Variants in SYNPR observed in about 807,000 individuals in gnomAD.
SYNPR encodes the protein synaptoporin.
SYNPR carries 23 observed loss-of-function variants against 32.9 expected under a neutral mutation model. That is an observed-to-expected ratio of 0.70 (90% CI 0.50 to 0.99). SYNPR has a LOEUF of 0.99. Ranked by LOEUF, SYNPR falls within the 50% of genes least tolerant of loss-of-function variation. The pLI, the probability that SYNPR is intolerant of heterozygous loss-of-function variation, is 0.00. For missense variants in SYNPR, 318 were observed against 349.3 expected (o/e 0.91, Z 0.71); for synonymous variants, 146 against 135.9 (o/e 1.07, Z -0.52).
chr3:63,562,789 CTT>C (rs1046894066), intron 4 of SYNPR, among the ~76,000 whole-genome samples: 2 of 152,206 alleles, frequency 1.3e-5, no homozygotes, highest in African/African-American at 4.8e-5. Flanking sequence ...GACACAAACT[CTT>C]AGTCCAGTGA....
At chr3:63,271,320 AGTCC>A (rs1266754862) in intron 3 of SYNPR, among the ~76,000 whole-genome samples, 1 of 152,154 alleles carries the variant, frequency 6.6e-6, no homozygotes, top group Non-Finnish European at 1.5e-5. Flanking sequence ...GTGCCAAAGG[AGTCC>A]ATTTTCTAAT....
intron 3 of SYNPR, among the ~76,000 whole-genome samples, chr3:63,493,069 A>T (rs528112106): frequency 1.3e-5 from 2 of 152,168 alleles, no homozygotes; most frequent in East Asian, 1.9e-4. Flanking sequence ...GAAAGAAAGA[A>T]ATGTTAGGAC....
chr3:63,481,551 G>C (rs6445349), intron 3 of SYNPR, among the ~76,000 whole-genome samples: 26,395 of 151,786 alleles, frequency 0.17, 2,453 homozygotes, highest in African/African-American at 0.21. Flanking sequence ...TAGAGACGTA[G>C]CATTGATACC....
chr3:63,457,265 A>C (rs988433689), intron 2 of SYNPR, among the ~76,000 whole-genome samples: 4 of 152,110 alleles, frequency 2.6e-5, no homozygotes, highest in African/African-American at 9.7e-5. Context: ...TACCCCTCCC[A>C]CAAGGACAGT....
chr3:63,407,107 A>G (rs1206484653), intron 2 of SYNPR, among the ~76,000 whole-genome samples: 1 of 152,204 alleles, frequency 6.6e-6, no homozygotes, highest in Non-Finnish European at 1.5e-5. Context: ...CCCTGGATCA[A>G]ACATGTACCT....
intron 3 of SYNPR, among the ~76,000 whole-genome samples, chr3:63,503,850 A>G (rs115502668): frequency 6.6e-6 from 1 of 152,180 alleles, no homozygotes; most frequent in African/African-American, 2.4e-5. Context: ...TAAGGTGATG[A>G]GTCTGAAAAA....
chr3:63,506,788 T>A (rs537543407), intron 3 of SYNPR, among the ~76,000 whole-genome samples: 1 of 152,304 alleles, frequency 6.6e-6, no homozygotes, highest in Non-Finnish European at 1.5e-5. Flanking sequence ...CTTAAAAGGA[T>A]CATTTTAAAT....
At chr3:63,613,206 AT>A (rs1700227414) in intron 5 of SYNPR, among the ~76,000 whole-genome samples, 1 of 151,272 alleles carries the variant, frequency 6.6e-6, no homozygotes, top group Non-Finnish European at 1.5e-5. Flanking sequence ...CACCTCAATA[AT>A]TTTTTATACT....
At chr3:63,368,586 G>A (rs2087755468) in intron 2 of SYNPR, among the ~76,000 whole-genome samples, 1 of 152,124 alleles carries the variant, frequency 6.6e-6, no homozygotes, top group African/African-American at 2.4e-5. Context: ...CCAGACGAGT[G>A]AATCTGGACC....
At chr3:63,603,136 C>A (rs2106895090) in intron 4 of SYNPR, among the ~76,000 whole-genome samples, 1 of 152,206 alleles carries the variant, frequency 6.6e-6, no homozygotes, top group East Asian at 1.9e-4. Flanking sequence ...CTTGGTTTGA[C>A]TTTCAGCCTG....
intron 2 of SYNPR, among the ~76,000 whole-genome samples, chr3:63,302,252 G>A (rs943403407): frequency 4.6e-5 from 7 of 151,950 alleles, no homozygotes; most frequent in African/African-American, 1.7e-4. Flanking sequence ...TTGTGCCATT[G>A]TTTCCCGATA....
chr3:63,493,179 C>T (rs915756189), intron 3 of SYNPR, among the ~76,000 whole-genome samples: 7 of 152,018 alleles, frequency 4.6e-5, no homozygotes, highest in Non-Finnish European at 1.0e-4. Flanking sequence ...TGTTCCCTCT[C>T]CTTCCCCAAC....
chr3:63,408,319 GGAAAGAAA>G (rs1214316826), intron 2 of SYNPR, among the ~76,000 whole-genome samples: 208 of 16,824 alleles, frequency 0.012, 3 homozygotes, highest in South Asian at 0.024. Context: ...AAGGAAGGAA[GGAAAGAAA>G]GAAAGAAAGA....
chr3:63,275,168 G>T (rs1424077106), upstream of SYNPR, among the ~76,000 whole-genome samples: 1 of 152,080 alleles, frequency 6.6e-6, no homozygotes, highest in Non-Finnish European at 1.5e-5. Context: ...AAAGATAATG[G>T]GTCACCCTTA....
chr3:63,561,162 T>G (rs1345357496), intron 4 of SYNPR, among the ~76,000 whole-genome samples: 1 of 152,192 alleles, frequency 6.6e-6, no homozygotes, highest in Non-Finnish European at 1.5e-5. Flanking sequence ...CATCTCAATT[T>G]ATAGTCCTCT....
chr3:63,393,302 GT>G (rs2107087824), intron 2 of SYNPR, among the ~76,000 whole-genome samples: 1 of 152,180 alleles, frequency 6.6e-6, no homozygotes, highest in South Asian at 2.1e-4. Flanking sequence ...GTATGTGAGG[GT>G]TATTCTAGGG....
chr3:63,286,474 G>A (rs1185786742), intron 2 of SYNPR, among the ~76,000 whole-genome samples: 1 of 152,166 alleles, frequency 6.6e-6, no homozygotes, highest in African/African-American at 2.4e-5. Flanking sequence ...CCAGGCCCTT[G>A]GGTGTTCCCC....
chr3:63,312,014 GTCCCTT>G (rs1241173817), intron 2 of SYNPR, among the ~76,000 whole-genome samples: 1 of 151,874 alleles, frequency 6.6e-6, no homozygotes, highest in East Asian at 2.0e-4. Flanking sequence ...ATACAGGATG[GTCCCTT>G]TTAGAACCTA....
intron 2 of SYNPR, among the ~76,000 whole-genome samples, chr3:63,441,947 T>C (rs996695397): frequency 2.0e-5 from 3 of 152,150 alleles, no homozygotes; most frequent in African/African-American, 7.2e-5. Context: ...TGTAGCCATT[T>C]TACAAAGGGG....
Sources: gnomAD v4.1 joint callset for allele counts (sites outside exome capture counted in the v4.1 genomes callset) on GRCh38, gnomAD v4.1.1 for gene constraint, MANE v1.5 for transcripts, NCBI Gene and HGNC (gene_info 2026-07-23, HGNC 2026-07-21) for gene names.